Variants in MAGI2 observed in about 807,000 individuals in gnomAD.
MAGI2 encodes membrane-associated guanylate kinase, WW and PDZ domain-containing protein 2.
Under a neutral mutation model 133.3 loss-of-function variants are expected in MAGI2, and 35 were observed. The observed-to-expected ratio is 0.26, with a 90% CI of 0.20 to 0.35. The LOEUF (loss-of-function observed/expected upper bound fraction) is 0.35. Ranked by LOEUF, MAGI2 falls within the 10% of genes least tolerant of loss-of-function variation. The probability of loss-of-function intolerance (pLI) is 1.00; values close to 1 mark genes in which losing one functional copy is unlikely to be tolerated. For synonymous variants in MAGI2, 729 were observed against 710.6 expected (o/e 1.03, Z -0.41); for missense variants, 1,636 against 1,863.4 (o/e 0.88, Z 2.25).
At chr7:78,494,464 A>G (rs1028874296) in intron 5 of MAGI2, among the ~76,000 whole-genome samples, 3 of 152,106 alleles carry the variant, frequency 2.0e-5, no homozygotes, top group African/African-American at 7.2e-5. Flanking sequence ...ATCATGCCAT[A>G]TTCTATTCTT....
intron 5 of MAGI2, among the ~76,000 whole-genome samples, chr7:78,495,457 T>C (rs776655408): frequency 5.9e-5 from 9 of 152,234 alleles, no homozygotes; most frequent in Non-Finnish European, 1.3e-4. Context: ...AATAAAATCA[T>C]CAGGATGATT....
At chr7:78,049,150 C>T (rs1336134172) in intron 21 of MAGI2, among the ~76,000 whole-genome samples, 1 of 151,252 alleles carries the variant, frequency 6.6e-6, no homozygotes, top group Non-Finnish European at 1.5e-5. Flanking sequence ...TTAATTTATT[C>T]TTTCTTTTTA....
intron 2 of MAGI2, among the ~76,000 whole-genome samples, chr7:78,894,981 C>T (rs890429023): frequency 2.6e-5 from 4 of 152,124 alleles, no homozygotes; most frequent in Non-Finnish European, 5.9e-5. Context: ...CTGTAACTGA[C>T]ACTGAAATTT....
At chr7:78,331,100 T>TA (rs1481656317) in intron 9 of MAGI2, among the ~76,000 whole-genome samples, 1 of 152,172 alleles carries the variant, frequency 6.6e-6, no homozygotes, top group Non-Finnish European at 1.5e-5. Flanking sequence ...CTAAGTGAAT[T>TA]AACACAAGAA....
intron 3 of MAGI2, among the ~76,000 whole-genome samples, chr7:78,584,561 C>T (rs1024947495): frequency 6.6e-6 from 1 of 151,936 alleles, no homozygotes; most frequent in African/African-American, 2.4e-5. Flanking sequence ...ATGGCATCAG[C>T]ACAGTGCAGA....
At chr7:78,640,155 T>C (rs1361405184) in intron 2 of MAGI2, among the ~76,000 whole-genome samples, 1 of 152,158 alleles carries the variant, frequency 6.6e-6, no homozygotes, top group Non-Finnish European at 1.5e-5. Context: ...CTACTGTATT[T>C]CCTTCCTGAT....
intron 5 of MAGI2, among the ~76,000 whole-genome samples, chr7:78,498,287 C>T (rs1045021809): frequency 1.3e-5 from 2 of 152,198 alleles, no homozygotes; most frequent in Non-Finnish European, 2.9e-5. Context: ...ACCTCTGAGA[C>T]ACATGGTGGC....
intron 5 of MAGI2, among the ~76,000 whole-genome samples, chr7:78,494,436 T>C (rs926944349): frequency 3.3e-5 from 5 of 152,160 alleles, no homozygotes; most frequent in Middle Eastern, 3.2e-3. Context: ...AGGAGCAAAA[T>C]TGAAAATTTT....
intron 1 of MAGI2, among the ~76,000 whole-genome samples, chr7:79,130,905 A>G (rs1373244729): frequency 5.9e-5 from 1 of 16,910 alleles, no homozygotes; most frequent in Non-Finnish European, 4.5e-4. Flanking sequence ...TCACCAATTC[A>G]TTCATTCATT....
intron 2 of MAGI2, among the ~76,000 whole-genome samples, chr7:78,893,752 G>T (rs1408936082): frequency 3.3e-5 from 5 of 152,090 alleles, no homozygotes; most frequent in Non-Finnish European, 7.4e-5. Context: ...GGGAGGGATA[G>T]CATTAGGAGA....
At chr7:78,738,010 T>C (rs567590921) in intron 2 of MAGI2, among the ~76,000 whole-genome samples, 1 of 152,236 alleles carries the variant, frequency 6.6e-6, no homozygotes, top group East Asian at 1.9e-4. Flanking sequence ...CAAATAAATT[T>C]CAGAGATTGA....
In MAGI2 at chr7:78,668,330, C is replaced by T. The variant is rs1211379298; in HGVS notation, c.419-41091G>A. Among the ~76,000 whole-genome samples the T allele has an allele frequency of 2.0e-5, 3 of 151,138 alleles. No individual in the cohort carries two copies. In the East Asian group the frequency reaches 5.8e-4, roughly 29 times the overall value. ...ATGAGTAGGTTGTGAAAATTTTCTCCCATTTTGTAGGTTGCCTGTTCACTC... is the reference window on the plus strand; with the variant it reads ...ATGAGTAGGTTGTGAAAATTTTCTCTCATTTTGTAGGTTGCCTGTTCACTC... On this transcript the variant is annotated intron_variant, in intron 2 of 21. Coordinates refer to ENST00000354212, the MANE Select transcript of MAGI2 (RefSeq NM_012301.4).
chr7:78,547,102 G>A (rs368695652), intron 3 of MAGI2, among the ~76,000 whole-genome samples: 39 of 152,244 alleles, frequency 2.6e-4, no homozygotes, highest in African/African-American at 8.2e-4. Flanking sequence ...TTTTACTACA[G>A]GCTAATGGAT....
At chr7:79,315,754 G>A (rs968413510) in intron 1 of MAGI2, among the ~76,000 whole-genome samples, 1 of 152,166 alleles carries the variant, frequency 6.6e-6, no homozygotes, top group Non-Finnish European at 1.5e-5. Flanking sequence ...CTGGGCAAAA[G>A]CAGAGAGATG....
intron 9 of MAGI2, among the ~76,000 whole-genome samples, chr7:78,328,395 T>C (rs1562831040): frequency 6.6e-6 from 1 of 151,754 alleles, no homozygotes; most frequent in African/African-American, 2.4e-5. Context: ...GAGTTAAATA[T>C]ATAGGATATA....
intron 7 of MAGI2, among the ~76,000 whole-genome samples, chr7:78,357,569 A>C (rs540369492): frequency 6.6e-6 from 1 of 152,332 alleles, no homozygotes; most frequent in Admixed American, 6.5e-5. Context: ...AATAGAATGG[A>C]GGGGCCCTGT....
chr7:78,834,216 C>A (rs971629405), intron 2 of MAGI2, among the ~76,000 whole-genome samples: 1 of 152,122 alleles, frequency 6.6e-6, no homozygotes, highest in Non-Finnish European at 1.5e-5. Flanking sequence ...TCATGTACTG[C>A]AAAATTTACC....
intron 4 of MAGI2, among the ~76,000 whole-genome samples, chr7:78,512,566 G>A (rs1353913587): frequency 1.3e-5 from 2 of 152,022 alleles, no homozygotes; most frequent in Non-Finnish European, 2.9e-5. Flanking sequence ...CCACCACGAT[G>A]GGCTGATTTT....
intron 1 of MAGI2, among the ~76,000 whole-genome samples, chr7:79,283,814 C>T (rs1739360412): frequency 6.6e-6 from 1 of 152,076 alleles, no homozygotes; most frequent in Non-Finnish European, 1.5e-5. Flanking sequence ...AGCATGCTAC[C>T]TGATATACAT....
Sources: gnomAD v4.1 joint callset for allele counts (sites outside exome capture counted in the v4.1 genomes callset) on GRCh38, gnomAD v4.1.1 for gene constraint, MANE v1.5 for transcripts, NCBI Gene and HGNC (gene_info 2026-07-23, HGNC 2026-07-21) for gene names.